MSL2: variants seen among roughly 807,000 people sequenced by gnomAD.
The protein encoded by MSL2 is MSL complex subunit 2.
Under a neutral mutation model 35.8 loss-of-function variants are expected in MSL2, and 2 were observed. The observed-to-expected ratio is 0.06, with a 90% CI of 0.02 to 0.18. MSL2 has a LOEUF of 0.18. Among genes scored for constraint, MSL2 ranks in the 10% least tolerant of loss-of-function variants. The pLI is 1.00. For missense variants in MSL2, 523 were observed against 706.7 expected (o/e 0.74, Z 2.95); for synonymous variants, 296 against 255.7 (o/e 1.16, Z -1.50).
chr3:136,192,260 C>G (rs1280564962), intron 1 of MSL2, among the ~76,000 whole-genome samples: 3 of 152,186 alleles, frequency 2.0e-5, no homozygotes, highest in Non-Finnish European at 4.4e-5. Context: ...GCAACCTCTG[C>G]CTCCCAGGTT....
chr3:136,153,355 G>C (rs1939427098), intron 1 of MSL2, among the ~76,000 whole-genome samples: 1 of 152,168 alleles, frequency 6.6e-6, no homozygotes, highest in Admixed American at 6.5e-5. Context: ...ATGAGTAAGA[G>C]AGATTTAGTC....
chr3:136,193,137 G>A (rs934344006), intron 1 of MSL2, among the ~76,000 whole-genome samples: 1 of 152,056 alleles, frequency 6.6e-6, no homozygotes, highest in African/African-American at 2.4e-5. Context: ...GGCTCCAGTT[G>A]GACTTTTAAA....
chr3:136,187,061 T>G (rs1940544847), intron 1 of MSL2, among the ~76,000 whole-genome samples: 1 of 152,208 alleles, frequency 6.6e-6, no homozygotes, highest in Non-Finnish European at 1.5e-5. Context: ...CAAGGTTGGC[T>G]GAATCCACAA....
chr3:136,173,702 C>T (rs554833892), intron 1 of MSL2, among the ~76,000 whole-genome samples: 2 of 152,192 alleles, frequency 1.3e-5, no homozygotes, highest in Admixed American at 1.3e-4. Flanking sequence ...ACACTGCCAC[C>T]ATATGATCTT....
intron 1 of MSL2, among the ~76,000 whole-genome samples, chr3:136,158,708 G>A (rs1939606015): frequency 6.6e-6 from 1 of 152,118 alleles, no homozygotes; most frequent in Non-Finnish European, 1.5e-5. Context: ...TCTGCTTACA[G>A]AAAATCTCAA....
chr3:136,182,860 A>C (rs1019136797), intron 1 of MSL2, among the ~76,000 whole-genome samples: 2 of 152,208 alleles, frequency 1.3e-5, no homozygotes, highest in Admixed American at 6.5e-5. Context: ...CCCACAACTC[A>C]CAGAAGTAGC....
At chr3:136,176,871 T>C (rs1940195330) in intron 1 of MSL2, among the ~76,000 whole-genome samples, 1 of 152,176 alleles carries the variant, frequency 6.6e-6, no homozygotes, top group African/African-American at 2.4e-5. Context: ...CTTTTCTTTA[T>C]AAATTACCCA....
Position 136,152,337 on chromosome 3 carries a change from G to A in MSL2, c.544C>T (p.Leu182Phe), listed in dbSNP as rs146050931. Reference protein sequence around the residue: ...ASLSPMSESTLSIAIGSSVIN... With the variant: ...ASLSPMSESTFSIAIGSSVIN... ...ACAGAACTGCCAATAGCAATGCTGA[G>A]GGTGCTTTCAGACATTGGAGATAAA... The change falls in exon 2 of 2, where the codon CTC becomes TTC. Residue 182 changes from leucine to phenylalanine, a missense_variant. Leu to Phe is a conservative substitution (Grantham distance 22). Transcript: ENST00000309993. 2.6e-3 allele frequency: 4,131 copies of A among 1,614,168 alleles called. 12 individuals carry two copies. Among genetic ancestry groups the A allele is most frequent in the Non-Finnish European group, 2.7e-3 (3,214 of 1,180,006 alleles).
Position 136,152,230 on chromosome 3 carries a change from C to T in MSL2, c.651G>A (p.Thr217=), listed in dbSNP as rs1181386985. ...INIPSPEHSN[T]IDVCNTVDIK... ...TGTCAACAGTATTACATACGTCAAT[C>T]GTATTTGAATGTTCAGGTGAAGGAA... The change falls in exon 2 of 2, where the codon ACG becomes ACA. Residue 217 remains threonine (T), a synonymous_variant. Coordinates refer to ENST00000309993, the MANE Select transcript of MSL2 (RefSeq NM_018133.4). 5 of 1,614,072 alleles carry T rather than the reference C, an allele frequency of 3.1e-6. No individual in the cohort carries two copies. Among genetic ancestry groups the T allele is most frequent in the Non-Finnish European group, 4.2e-6 (5 of 1,179,972 alleles).
chr3:136,165,959 T>C (rs1485558191), intron 1 of MSL2, among the ~76,000 whole-genome samples: 1 of 150,276 alleles, frequency 6.7e-6, no homozygotes, highest in Non-Finnish European at 1.5e-5. Flanking sequence ...GTCATGATTA[T>C]GCATTGAGTG....
chr3:136,178,462 T>A (rs1303825762), intron 1 of MSL2, among the ~76,000 whole-genome samples: 1 of 151,942 alleles, frequency 6.6e-6, no homozygotes, highest in Non-Finnish European at 1.5e-5. Flanking sequence ...CAAAATACAT[T>A]AGCATCTTAA....
chr3:136,170,178 C>T (rs959056784), intron 1 of MSL2, among the ~76,000 whole-genome samples: 1 of 151,162 alleles, frequency 6.6e-6, no homozygotes, highest in African/African-American at 2.4e-5. Flanking sequence ...CCCGTCTCTA[C>T]TTAAAAATAT....
intron 1 of MSL2, among the ~76,000 whole-genome samples, chr3:136,187,669 CAAA>C (rs67802854): frequency 1.5e-4 from 20 of 137,160 alleles, no homozygotes; most frequent in Non-Finnish European, 2.1e-4. Flanking sequence ...GACTCCGTCT[CAAA>C]AAAAAAAAAA....
At chr3:136,188,854 C>T (rs1940597700) in intron 1 of MSL2, among the ~76,000 whole-genome samples, 1 of 151,806 alleles carries the variant, frequency 6.6e-6, no homozygotes, top group Non-Finnish European at 1.5e-5. Flanking sequence ...ATACTGCCTG[C>T]CTTGAACCCA....
intron 1 of MSL2, among the ~76,000 whole-genome samples, chr3:136,181,650 G>A (rs1282286933): frequency 6.6e-6 from 1 of 152,100 alleles, no homozygotes; most frequent in Non-Finnish European, 1.5e-5. Flanking sequence ...CGGGCGCGGT[G>A]GTTCACACCT....
chr3:136,189,108 CAAAAAAAAAAAAAAAA>C (rs372715974), intron 1 of MSL2, among the ~76,000 whole-genome samples: 1 of 38,606 alleles, frequency 2.6e-5, no homozygotes, highest in Non-Finnish European at 4.5e-5. Context: ...CCTGTCTCTA[CAAAAAAAAAAAAAAAA>C]AAAAAAAAAA....
At chr3:136,194,489 T>C (rs1940779648) in intron 1 of MSL2, 1 of 984,874 alleles carries the variant, frequency 1.0e-6, no homozygotes, top group Non-Finnish European at 1.2e-6. Context: ...GGGGCAAAGT[T>C]CCGCGCCGGG....
rs774747387 is a variant in MSL2, at chr3:136,151,192, A to T, written c.1689T>A (p.Asp563Glu). 1 of 1,614,186 alleles carries T rather than the reference A, an allele frequency of 6.2e-7. No homozygotes were observed. Among genetic ancestry groups the T allele is most frequent in the South Asian group, 1.1e-5 (1 of 91,076 alleles). Residue 563 changes from aspartate (D) to glutamate (E), a missense_variant, in exon 2 of 2, where the codon GAT (aspartate) becomes GAA (glutamate). By Grantham distance (45) the Asp-to-Glu change is conservative (BLOSUM62 2). Coordinates refer to ENST00000309993, the MANE Select transcript of MSL2 (RefSeq NM_018133.4). This position sits in a 1 kb window ranked among gnomAD's most constrained non-coding sequence, Gnocchi z 5.2. ...VTTFLAASTH[D>E]DKSLDEAIDM... ...CTATAGCTTCATCCAAACTTTTATC[A>T]TCATGTGTACTGGCAGCTAAAAACG...
At chr3:136,180,283 CA>C (rs768043555) in intron 1 of MSL2, among the ~76,000 whole-genome samples, 7 of 152,114 alleles carry the variant, frequency 4.6e-5, no homozygotes, top group Non-Finnish European at 8.8e-5. Flanking sequence ...ACGGCATCTA[CA>C]AACACTTCAA....
Sources: gnomAD v4.1 joint callset for allele counts (sites outside exome capture counted in the v4.1 genomes callset) on GRCh38, gnomAD v4.1.1 for gene constraint, Gnocchi (gnomAD v3.1) non-coding constraint, MANE v1.5 for transcripts, NCBI Gene and HGNC (gene_info 2026-07-23, HGNC 2026-07-21) for gene names.